The following SVEP1 variants were observed in gnomAD, a reference collection of about 807,000 sequenced individuals.
SVEP1 encodes the protein sushi, von Willebrand factor type A, EGF and pentraxin domain-containing protein 1.
SVEP1 carries 164 observed loss-of-function variants against 367.3 expected under a neutral mutation model. The ratio of observed to expected loss-of-function variants is 0.45; its 90% CI spans 0.39 to 0.51. SVEP1 has a LOEUF of 0.51. Ranked by LOEUF, SVEP1 falls within the 20% of genes least tolerant of loss-of-function variation. The pLI is 0.00. For synonymous variants in SVEP1, 1,666 were observed against 1,611.6 expected (o/e 1.03, Z -0.81); for missense variants, 4,117 against 4,425.3 (o/e 0.93, Z 1.98).
At chr9:110,394,305 G>A (rs1827721645) in intron 40 of SVEP1, among the ~76,000 whole-genome samples, 1 of 152,138 alleles carries the variant, frequency 6.6e-6, no homozygotes, top group South Asian at 2.1e-4. Context: ...GTCTGTTGAA[G>A]GAAAACTAAC....
Position 110,459,089 on chromosome 9 carries a change from G to A in SVEP1, c.3347C>T (p.Ser1116Leu). 12 of 1,613,584 alleles carry A rather than the reference G, an allele frequency of 7.4e-6. No individual in the cohort carries two copies. Among genetic ancestry groups the A allele is most frequent in the Non-Finnish European group, 1.0e-5 (12 of 1,179,648 alleles). ...GTGACAGGGCATTAACCCAGAACGC[G>A]AGAATTTTCCTTCTGGACAAGGAAC... ...CGVPCPEGKFSRSGLMPCHPC... is the reference protein window; with the variant it reads ...CGVPCPEGKFLRSGLMPCHPC... Residue 1116 changes from serine to leucine, a missense_variant, in exon 19 of 48, where the codon TCG becomes TTG. Physicochemically the swap from Ser to Leu is moderately radical, Grantham distance 145. This residue lies in a region of SVEP1 where 2,174 missense variants were observed against 2,494.3 expected (regional missense o/e 0.87). Coordinates refer to ENST00000374469, the MANE Select transcript of SVEP1 (RefSeq NM_153366.4).
intron 45 of SVEP1, among the ~76,000 whole-genome samples, chr9:110,375,727 A>G (rs1456212018): frequency 6.7e-6 from 1 of 149,934 alleles, no homozygotes; most frequent in Non-Finnish European, 1.5e-5. Context: ...GACACTCCGT[A>G]ATCAGTGTCT....
chr9:110,550,195 C>T, intron 1 of SVEP1, 91 bp from the exon 2 acceptor site: 1 of 1,523,656 alleles, frequency 6.6e-7, no homozygotes, highest in Non-Finnish European at 8.9e-7. Flanking sequence ...TTGCAAAGAT[C>T]ATTAGTATTT....
At chr9:110,389,403 ATGG>A (rs1174806402) in intron 41 of SVEP1, 118 bp downstream of exon 41, 8 of 1,165,752 alleles carry the variant, frequency 6.9e-6, no homozygotes, top group Non-Finnish European at 9.7e-6. Flanking sequence ...AGGTTCTCAT[ATGG>A]CTTATGGAGT....
intron 1 of SVEP1, among the ~76,000 whole-genome samples, chr9:110,570,467 CGTGTGTGTGTGTGT>C (rs59503025): frequency 5.4e-5 from 8 of 146,940 alleles, no homozygotes; most frequent in Admixed American, 5.4e-4. Context: ...GTTTCTGTTG[CGTGTGTGTGTGTGT>C]GTGTGTGTGT....
At chr9:110,545,057 A>G (rs1201678532) in intron 3 of SVEP1, among the ~76,000 whole-genome samples, 2 of 151,354 alleles carry the variant, frequency 1.3e-5, no homozygotes, top group African/African-American at 4.9e-5. Flanking sequence ...TCACTTAACA[A>G]CTCCAGGCTC....
intron 30 of SVEP1, 21 bp downstream of exon 30, chr9:110,434,315 G>C (rs773174829): frequency 1.3e-6 from 2 of 1,579,850 alleles, no homozygotes; most frequent in Admixed American, 1.8e-5. Flanking sequence ...CACTGAAATG[G>C]CTTCAAGAAA....
chr9:110,369,371 C>G (rs1049870623), intron 47 of SVEP1, among the ~76,000 whole-genome samples: 1 of 152,052 alleles, frequency 6.6e-6, no homozygotes, highest in African/African-American at 2.4e-5. Flanking sequence ...TGAAATGCTA[C>G]GCATAGAAAC....
At chr9:110,394,580 T>C (rs559782112) in intron 40 of SVEP1, among the ~76,000 whole-genome samples, 22 of 152,180 alleles carry the variant, frequency 1.4e-4, no homozygotes, top group African/African-American at 5.3e-4. Flanking sequence ...TTCAAACGAA[T>C]GGCAAAGAAG....
At chr9:110,499,751 T>C (rs553680840) in intron 6 of SVEP1, among the ~76,000 whole-genome samples, 28 of 152,326 alleles carry the variant, frequency 1.8e-4, no homozygotes, top group African/African-American at 6.0e-4. Flanking sequence ...AGAAAAAGAA[T>C]AGCAGATGAA....
chr9:110,533,588 G>GTGTC (rs1830046275), intron 3 of SVEP1, among the ~76,000 whole-genome samples: 1 of 40,018 alleles, frequency 2.5e-5, no homozygotes, highest in Non-Finnish European at 6.7e-5. Flanking sequence ...TACTATCTCT[G>GTGTC]TGTGTCTGTG....
rs867626990 is a variant in SVEP1 at position 110,427,627 on chromosome 9, G to A, written c.5939C>T (p.Thr1980Ile). The A allele has an allele frequency of 4.3e-6, 7 of 1,613,838 alleles. No homozygotes were observed. Among genetic ancestry groups the A allele is most frequent in the Non-Finnish European group, 5.1e-6 (6 of 1,179,826 alleles). Residue 1980 changes from threonine (T) to isoleucine (I), a missense_variant, in exon 36 of 48, where the codon ACT becomes ATT. By Grantham distance (89) the Thr-to-Ile change is moderately conservative. Around this residue, in one of 4 missense-constraint regions of SVEP1, gnomAD observed 2,174 missense variants for 2,494.3 expected, o/e 0.87. Coordinates refer to ENST00000374469, the MANE Select transcript of SVEP1 (RefSeq NM_153366.4). ...AGTGTAAGTGACGGTGTTCCTGAAA[G>A]TGAAGTTATTCCCCGTAATGACAGC... ...KDAVITGNNF[T>I]FRNTVTYTCK...
At chr9:110,382,710 T>C (rs534605917) in intron 43 of SVEP1, among the ~76,000 whole-genome samples, 1 of 152,342 alleles carries the variant, frequency 6.6e-6, no homozygotes, top group Admixed American at 6.5e-5. Flanking sequence ...CGATCAATCA[T>C]AGGTTCGGTC....
chr9:110,394,440 A>C (rs1827724517), intron 40 of SVEP1, among the ~76,000 whole-genome samples: 2 of 152,318 alleles, frequency 1.3e-5, no homozygotes, highest in South Asian at 4.1e-4. Context: ...TAAAAATCAG[A>C]GCGCCTCTCC....
chr9:110,387,580 A>G (rs898540188), intron 41 of SVEP1, 122 bp from the exon 42 acceptor site: 1 of 1,092,676 alleles, frequency 9.2e-7, no homozygotes, highest in South Asian at 1.8e-5. Flanking sequence ...TCATGTGTGA[A>G]GCACAGTGAT....
chr9:110,481,789 T>C (rs988968986), intron 11 of SVEP1, among the ~76,000 whole-genome samples: 4 of 152,162 alleles, frequency 2.6e-5, no homozygotes, highest in African/African-American at 9.7e-5. Flanking sequence ...CTCGACTCAC[T>C]GCAGCCTCTG....
At chr9:110,478,942 C>T (rs765251857) in intron 13 of SVEP1, among the ~76,000 whole-genome samples, 21 of 149,730 alleles carry the variant, frequency 1.4e-4, no homozygotes, top group African/African-American at 2.5e-4. Context: ...TTTTTTTAGA[C>T]GGAGTCTTTC....
chr9:110,523,565 T>C (rs993704602), intron 3 of SVEP1, among the ~76,000 whole-genome samples: 5 of 152,140 alleles, frequency 3.3e-5, no homozygotes, highest in African/African-American at 1.2e-4. Context: ...TGATAGGGAT[T>C]AAAAACATGA....
chr9:110,407,442 G>C lies in SVEP1; in HGVS notation c.8158C>G (p.Pro2720Ala), dbSNP rs1370243351. The change falls in exon 38 of 48, where the codon CCT becomes GCT. Residue 2720 changes from proline to alanine, a missense_variant. Pro to Ala is a conservative substitution (Grantham distance 27, BLOSUM62 -1). Transcript: ENST00000374469. ...PSCISIECDL[P>A]TAPENGFLRF... ...AAAAAGCCATTTTCAGGAGCAGTAG[G>C]CAAGTCACATTCAATTGAAATGCAG... 3 of 1,614,002 alleles carry C rather than the reference G, an allele frequency of 1.9e-6. No homozygotes were observed. The East Asian group carries it at 6.7e-5, about 36-fold the overall frequency.
Sources: gnomAD v4.1 joint callset for allele counts (sites outside exome capture counted in the v4.1 genomes callset) on GRCh38, gnomAD v4.1.1 for gene constraint, gnomAD v4.1.1 regional missense constraint, MANE v1.5 for transcripts, NCBI Gene and HGNC (gene_info 2026-07-23, HGNC 2026-07-21) for gene names.